Variants in KIRREL3 observed in about 807,000 individuals in gnomAD.
KIRREL3 encodes kin of IRRE-like protein 3.
KIRREL3 carries 36 observed loss-of-function variants against 89.7 expected under a neutral mutation model. That is an observed-to-expected ratio of 0.40 (90% CI 0.31 to 0.53). The LOEUF (loss-of-function observed/expected upper bound fraction) is 0.53. KIRREL3 is among the 20% of genes least tolerant of loss of function. The pLI is 0.49. For synonymous variants in KIRREL3, 445 were observed against 441.4 expected, an observed-to-expected ratio of 1.01 and a Z score of -0.10; for missense variants, 864 against 1,056.6, an observed-to-expected ratio of 0.82 and a Z score of 2.53.
chr11:126,896,889 G>A lies in KIRREL3; in HGVS notation c.55+103566C>T, dbSNP rs1292790205. On this transcript the variant is annotated intron_variant, in intron 1 of 16. Coordinates refer to ENST00000525144, the MANE Select transcript of KIRREL3 (RefSeq NM_032531.4). This position sits in a 1 kb window ranked among gnomAD's most constrained non-coding sequence, Gnocchi z 4.1. Reference sequence around the variant, plus strand: ...TATCATCATGTGCTTCACACGCAGTGGGGATCTTAACAGGCATTGCCATTT... The same window carrying A: ...TATCATCATGTGCTTCACACGCAGTAGGGATCTTAACAGGCATTGCCATTT... Among the ~76,000 whole-genome samples the A allele has an allele frequency of 1.3e-5, 2 of 152,068 alleles. No homozygotes were observed. The highest frequency in any genetic ancestry group is 4.8e-5 in the African/African-American group (2 of 41,406).
At chr11:126,478,194 G>A (rs528795285) in intron 4 of KIRREL3, among the ~76,000 whole-genome samples, 1 of 152,296 alleles carries the variant, frequency 6.6e-6, no homozygotes, top group Non-Finnish European at 1.5e-5. Flanking sequence ...GCTCTTTCCT[G>A]TTCCTCACTC....
In KIRREL3 at chr11:126,462,175, G is replaced by A. The variant is rs1251867040; in HGVS notation, c.742+982C>T. On this transcript the variant is annotated intron_variant, in intron 6 of 16. Coordinates refer to ENST00000525144, the MANE Select transcript of KIRREL3 (RefSeq NM_032531.4). This position sits in a 1 kb window ranked among gnomAD's most constrained non-coding sequence, Gnocchi z 4.8. ...GATGCGATGCTGGTGGAGCCCTGAA[G>A]CATCATAACTGTCAACATGAATCCT... Among the ~76,000 whole-genome samples the A allele has an allele frequency of 6.6e-6, 1 of 152,116 alleles. No homozygotes were observed. Among genetic ancestry groups the A allele is most frequent in the Non-Finnish European group, 1.5e-5 (1 of 68,022 alleles).
At chr11:126,822,842 C>G (rs796720798) in intron 1 of KIRREL3, among the ~76,000 whole-genome samples, 4 of 152,094 alleles carry the variant, frequency 2.6e-5, no homozygotes, top group African/African-American at 9.7e-5. Context: ...TTCTTCAGAA[C>G]GGGGCTTCTA....
intron 1 of KIRREL3, among the ~76,000 whole-genome samples, chr11:126,980,105 C>T (rs368644132): frequency 3.2e-4 from 49 of 152,256 alleles, no homozygotes; most frequent in African/African-American, 1.2e-3. Context: ...GAAATCACTA[C>T]ACAGAGAGGT....
chr11:126,882,475 TG>T (rs1411600671), intron 1 of KIRREL3, among the ~76,000 whole-genome samples: 2 of 152,176 alleles, frequency 1.3e-5, no homozygotes, highest in Non-Finnish European at 2.9e-5. Flanking sequence ...AGAGATGGTT[TG>T]TCCACCCTGT....
Position 126,676,443 on chromosome 11 carries a change from T to C in KIRREL3, c.56-113531A>G, listed in dbSNP as rs1457238374. On this transcript the variant is annotated intron_variant, in intron 1 of 16. Coordinates refer to ENST00000525144, the MANE Select transcript of KIRREL3 (RefSeq NM_032531.4). The surrounding 1 kb of genome is among the most constrained non-coding windows in gnomAD (Gnocchi z 4.5). Reference sequence around the variant, plus strand: ...TCCCCCAGGGCCACTGGGCTGGCTCTGCAGTTGGCCACACTGAGGCTGTTC... The same window carrying C: ...TCCCCCAGGGCCACTGGGCTGGCTCCGCAGTTGGCCACACTGAGGCTGTTC... Among the ~76,000 whole-genome samples, 1 of 152,204 alleles carries C rather than the reference T, an allele frequency of 6.6e-6. No individual in the cohort carries two copies. The highest frequency in any genetic ancestry group is 1.9e-4 in the East Asian group (1 of 5,202).
chr11:126,881,246 C>G (rs1386200418), intron 1 of KIRREL3, among the ~76,000 whole-genome samples: 1 of 152,196 alleles, frequency 6.6e-6, no homozygotes, highest in Admixed American at 6.5e-5. Flanking sequence ...TTGCATGCGA[C>G]TCCCCCTCCC....
chr11:126,654,401 A>G (rs1945039965), intron 1 of KIRREL3, among the ~76,000 whole-genome samples: 1 of 150,126 alleles, frequency 6.7e-6, no homozygotes, highest in Non-Finnish European at 1.5e-5. Flanking sequence ...TTAAATGGGC[A>G]GCTTCTCCTT....
intron 4 of KIRREL3, among the ~76,000 whole-genome samples, chr11:126,518,476 G>A (rs956133911): frequency 6.6e-6 from 1 of 152,194 alleles, no homozygotes; most frequent in Non-Finnish European, 1.5e-5. Context: ...TTCTGCTTTC[G>A]CGTCTTCCGC....
chr11:126,846,831 G>T (rs529944072), intron 1 of KIRREL3, among the ~76,000 whole-genome samples: 1 of 152,294 alleles, frequency 6.6e-6, no homozygotes, highest in African/African-American at 2.4e-5. Context: ...AAACTGAACA[G>T]TTGAACAAAT....
At chr11:126,494,875 C>T (rs907415917) in intron 4 of KIRREL3, among the ~76,000 whole-genome samples, 30 of 152,228 alleles carry the variant, frequency 2.0e-4, no homozygotes, top group Non-Finnish European at 4.3e-4. Flanking sequence ...GCTCATCCAT[C>T]GGGACCCCTG....
At chr11:126,721,235 T>G (rs1948158231) in intron 1 of KIRREL3, among the ~76,000 whole-genome samples, 2 of 152,256 alleles carry the variant, frequency 1.3e-5, no homozygotes, top group Non-Finnish European at 2.9e-5. Flanking sequence ...AGCACCTTCC[T>G]TAAAGAATCA....
chr11:126,726,870 C>T (rs1948405904), intron 1 of KIRREL3, among the ~76,000 whole-genome samples: 1 of 152,218 alleles, frequency 6.6e-6, no homozygotes, highest in Non-Finnish European at 1.5e-5. Flanking sequence ...TTTCTTCCTG[C>T]AAAACTCCTA....
rs189961022 is a variant in KIRREL3 at position 126,791,927 on chromosome 11, T to C, written c.55+208528A>G. Among the ~76,000 whole-genome samples, 20 of 145,120 alleles carry C rather than the reference T, an allele frequency of 1.4e-4. No individual in the cohort carries two copies. The East Asian group carries it at 3.9e-3, about 28-fold the overall frequency. The stretch of plus-strand genomic sequence containing the variant: ...AAACAGTTTAGAGGGAAGGCGGGGC[T>C]GCTTTCAAAGAAAAACAGGTGAAAT... On this transcript the variant is annotated intron_variant, in intron 1 of 16. Coordinates refer to ENST00000525144, the MANE Select transcript of KIRREL3 (RefSeq NM_032531.4). This position sits in a 1 kb window ranked among gnomAD's most constrained non-coding sequence, Gnocchi z 4.8.
At chr11:126,633,899 G>T (rs988572944) in intron 1 of KIRREL3, among the ~76,000 whole-genome samples, 3 of 152,210 alleles carry the variant, frequency 2.0e-5, no homozygotes, top group Non-Finnish European at 4.4e-5. Context: ...AAGTAACAGA[G>T]ATTTTGTTCA....
rs1951233611 is a variant in KIRREL3 at position 126,807,300 on chromosome 11, G to A, written c.55+193155C>T. ...TACAATGGAGCACAGGAAATTGCCAGGTCACTAAGGTGAATTATGGGCACA... is the reference window on the plus strand; with the variant it reads ...TACAATGGAGCACAGGAAATTGCCAAGTCACTAAGGTGAATTATGGGCACA... On this transcript the variant is annotated intron_variant, in intron 1 of 16. Transcript: ENST00000525144. The surrounding 1 kb of genome is among the most constrained non-coding windows in gnomAD (Gnocchi z 4.3). 6.6e-6 allele frequency among the ~76,000 whole-genome samples: 1 copy of A among 152,164 alleles called. No homozygotes were observed. Among genetic ancestry groups the A allele is most frequent in the Non-Finnish European group, 1.5e-5 (1 of 68,034 alleles).
intron 1 of KIRREL3, among the ~76,000 whole-genome samples, chr11:126,749,053 A>G (rs936361623): frequency 2.4e-4 from 37 of 151,916 alleles, no homozygotes; most frequent in Admixed American, 2.1e-3. Flanking sequence ...GGTTGCGACC[A>G]CCTTCCCTGG....
In KIRREL3 at chr11:126,666,763, A is replaced by G. The variant is rs1042758348; in HGVS notation, c.56-103851T>C. Among the ~76,000 whole-genome samples, 4 of 152,178 alleles carry G rather than the reference A, an allele frequency of 2.6e-5. No homozygotes were observed. Among genetic ancestry groups the G allele is most frequent in the African/African-American group, 9.7e-5 (4 of 41,432 alleles). ...TGTATTGACTAGGAGGTCTTTCACC[A>G]GAAGAATAAAAGACCATGCTTTTGA... On this transcript the variant is annotated intron_variant, in intron 1 of 16. Coordinates refer to ENST00000525144, the MANE Select transcript of KIRREL3 (RefSeq NM_032531.4). The surrounding 1 kb of genome is among the most constrained non-coding windows in gnomAD (Gnocchi z 4.2).
intron 1 of KIRREL3, among the ~76,000 whole-genome samples, chr11:126,963,940 G>A (rs1482816448): frequency 6.6e-6 from 1 of 152,148 alleles, no homozygotes; most frequent in Admixed American, 6.5e-5. Flanking sequence ...GTCCATAACG[G>A]AAGAGGGATG....
Sources: gnomAD v4.1 joint callset for allele counts (sites outside exome capture counted in the v4.1 genomes callset) on GRCh38, gnomAD v4.1.1 for gene constraint, Gnocchi (gnomAD v3.1) non-coding constraint, MANE v1.5 for transcripts, NCBI Gene and HGNC (gene_info 2026-07-23, HGNC 2026-07-21) for gene names.